The following STN1 variants were observed in gnomAD, a reference collection of about 807,000 sequenced individuals.
The protein encoded by STN1 is CST complex subunit STN1.
STN1 carries 29 observed loss-of-function variants against 45.5 expected under a neutral mutation model. That is an observed-to-expected ratio of 0.64 (90% CI 0.47 to 0.87). The LOEUF (loss-of-function observed/expected upper bound fraction) is 0.87, where lower values mean the gene tolerates loss of function less well. STN1 is among the 40% of genes least tolerant of loss of function. The pLI is 0.00. For missense variants in STN1, 376 were observed against 441.4 expected, an observed-to-expected ratio of 0.85 and a Z score of 1.33; for synonymous variants, 148 against 159.0, an observed-to-expected ratio of 0.93 and a Z score of 0.52.
chr10:103,905,806 G>A (rs996947774), intron 3 of STN1, among the ~76,000 whole-genome samples: 11 of 152,158 alleles, frequency 7.2e-5, no homozygotes, highest in African/African-American at 2.7e-4. Context: ...CACAAAAACA[G>A]TACTAGTCTG....
intron 3 of STN1, among the ~76,000 whole-genome samples, chr10:103,906,326 C>T (rs1843240590): frequency 6.6e-6 from 1 of 152,080 alleles, no homozygotes; most frequent in Admixed American, 6.6e-5. Flanking sequence ...TACTGGATAG[C>T]AATATTCCAA....
Position 103,878,693 on chromosome 10 carries a change from T to C in STN1, c.*3991A>G, listed in dbSNP as rs1482995761. 6.6e-6 allele frequency: 1 copy of C among 152,248 alleles called. No individual in the cohort carries two copies. Among genetic ancestry groups the C allele is most frequent in the Non-Finnish European group, 1.5e-5 (1 of 68,040 alleles). 9.4% of individuals were successfully genotyped at this position (152,248 alleles called of 1,614,324 possible). Reference sequence around the variant, plus strand: ...GATCTCACCATGCAGAGGTAACATGTGCATCCCTTTGGTGAGAATTTCTAG... The same window carrying C: ...GATCTCACCATGCAGAGGTAACATGCGCATCCCTTTGGTGAGAATTTCTAG... On this transcript the variant is annotated 3_prime_UTR_variant, in exon 10 of 10. Transcript: ENST00000224950.
At chr10:103,889,230 A>G in intron 8 of STN1, 86 bp from the exon 9 acceptor site, 1 of 838,564 alleles carries the variant, frequency 1.2e-6, no homozygotes, top group East Asian at 2.5e-5. Flanking sequence ...AGTATTCAGG[A>G]TAGTTTCTAA....
At chr10:103,915,819 G>C (rs1843327120) in intron 2 of STN1, among the ~76,000 whole-genome samples, 1 of 152,026 alleles carries the variant, frequency 6.6e-6, no homozygotes, top group Non-Finnish European at 1.5e-5. Context: ...ATGGGGGTTG[G>C]GGGAACGGTT....
intron 4 of STN1, among the ~76,000 whole-genome samples, chr10:103,903,555 T>C (rs1448114446): frequency 6.6e-6 from 1 of 152,166 alleles, no homozygotes; most frequent in Non-Finnish European, 1.5e-5. Flanking sequence ...TTTGCAGAAG[T>C]GGTTCTCATT....
At chr10:103,885,660 G>A (rs1843098671) in intron 9 of STN1, among the ~76,000 whole-genome samples, 1 of 152,144 alleles carries the variant, frequency 6.6e-6, no homozygotes, top group Admixed American at 6.5e-5. Context: ...CAAGCATTGG[G>A]ATTATGGGAG....
chr10:103,909,025 A>G (rs188432831), intron 3 of STN1, among the ~76,000 whole-genome samples: 10 of 152,240 alleles, frequency 6.6e-5, no homozygotes, highest in Admixed American at 4.6e-4. Context: ...TGGAATCTTG[A>G]GTAAGTTACT....
intron 3 of STN1, among the ~76,000 whole-genome samples, chr10:103,909,354 CAAAAA>C (rs1182343917): frequency 1.0e-3 from 62 of 61,276 alleles, no homozygotes; most frequent in African/African-American, 3.8e-3. Flanking sequence ...TTTTCAGAAT[CAAAAA>C]AAAAAAATAT....
Position 103,898,909 on chromosome 10 carries a change from G to A in STN1, c.549C>T (p.His183=), listed in dbSNP as rs200135074. 16 of 1,614,012 alleles carry A rather than the reference G, an allele frequency of 9.9e-6. No homozygotes were observed. The highest frequency in any genetic ancestry group is 1.4e-5 in the Non-Finnish European group (16 of 1,179,970). Residue 183 remains histidine, a synonymous_variant, in exon 6 of 10, where the codon CAC becomes CAT. Transcript: ENST00000224950. ...CCTCTTCTTTCTCTAGGGCTGAGCT[G>A]TGAAAAGGCTGGTCATAAACTTTCC... The part of the protein sequence containing the change: ...IYRKVYDQPF[H]SSALEKEEAL...
At chr10:103,904,952 G>T in intron 4 of STN1, 139 bp downstream of exon 4, 1 of 765,414 alleles carries the variant, frequency 1.3e-6, no homozygotes, top group Non-Finnish European at 2.2e-6. Flanking sequence ...AAAGCTCTGG[G>T]TATAGTGCTT....
Position 103,896,686 on chromosome 10 carries a change from A to T in STN1, c.753+862T>A, listed in dbSNP as rs576914748. ...ACAGTCAGGGGTCAGGGTCACCCAG[A>T]GTGAGACCCTGTCTAATTTTTGTAT... On this transcript the variant is annotated intron_variant, in intron 7 of 9. Transcript: ENST00000224950. 6.6e-5 allele frequency among the ~76,000 whole-genome samples: 10 copies of T among 151,786 alleles called. No individual in the cohort carries two copies. In the South Asian group the frequency reaches 2.1e-3, roughly 32 times the overall value.
intron 9 of STN1, among the ~76,000 whole-genome samples, chr10:103,884,119 C>T (rs1156678713): frequency 7.5e-6 from 1 of 134,010 alleles, no homozygotes; most frequent in African/African-American, 2.8e-5. Context: ...AAAAAAAAAT[C>T]CACTTATCAC....
intron 9 of STN1, among the ~76,000 whole-genome samples, chr10:103,886,923 G>A (rs1843107223): frequency 1.3e-5 from 2 of 152,210 alleles, no homozygotes; most frequent in African/African-American, 4.8e-5. Flanking sequence ...TCACAATGCC[G>A]CCACATTGCC....
In STN1 at chr10:103,880,050, C is replaced by T. The variant is rs11191842; in HGVS notation, c.*2634G>A. On this transcript the variant is annotated 3_prime_UTR_variant, in exon 10 of 10. Coordinates refer to ENST00000224950, the MANE Select transcript of STN1 (RefSeq NM_024928.5). ...GCTGCAGGAGACGGCCCGCCCACTTCACCCGCCTGGGCCAAGTATGGCTTC... is the reference window on the plus strand; with the variant it reads ...GCTGCAGGAGACGGCCCGCCCACTTTACCCGCCTGGGCCAAGTATGGCTTC... 0.22 allele frequency among the ~76,000 whole-genome samples: 33,024 copies of T among 152,198 alleles called. 3,699 individuals carry two copies. Among genetic ancestry groups the T allele is most frequent in the Admixed American group, 0.23 (3,499 of 15,294 alleles).
chr10:103,881,936 A>G lies in STN1; in HGVS notation c.*748T>C, dbSNP rs1365429584. Among the ~76,000 whole-genome samples, 2 of 152,218 alleles carry G rather than the reference A, an allele frequency of 1.3e-5. No homozygotes were observed. Among genetic ancestry groups the G allele is most frequent in the Admixed American group, 1.3e-4 (2 of 15,288 alleles). On this transcript the variant is annotated 3_prime_UTR_variant, in exon 10 of 10. Transcript: ENST00000224950. ...AATAACATCTACCACCTGCCAGGCA[A>G]TTGGCTGACTGCCTCCGTGATCTTC...
intron 3 of STN1, among the ~76,000 whole-genome samples, chr10:103,909,482 ATATATGTGTGTGTG>A (rs1282978120): frequency 2.5e-4 from 27 of 109,492 alleles, no homozygotes; most frequent in Non-Finnish European, 3.4e-4. Flanking sequence ...ATATATGTAT[ATATATGTGTGTGTG>A]TATATGTATA....
rs1230189259 is a variant in STN1, at chr10:103,879,590, G to C, written c.*3094C>G. The C allele has an allele frequency of 2.0e-5, 3 of 152,460 alleles. No individual in the cohort carries two copies. The highest frequency in any genetic ancestry group is 4.4e-5 in the Non-Finnish European group (3 of 68,230). The allele number at this position is 152,460 out of a possible 1,614,324, so 9.4% of individuals were successfully genotyped here. On this transcript the variant is annotated 3_prime_UTR_variant, in exon 10 of 10. Transcript: ENST00000224950. The stretch of plus-strand genomic sequence containing the variant: ...GCATGTGTGCAAGGCCCGTGCGGCT[G>C]GGCTGGGAGGGCAGGGTAAGCGGGG...
At chr10:103,904,975 T>C (rs1181267399) in intron 4 of STN1, 116 bp downstream of exon 4, 3 of 891,360 alleles carry the variant, frequency 3.4e-6, no homozygotes. Context: ...GGTAGATCAA[T>C]GTAACTCACC....
chr10:103,905,966 G>A (rs1301099169), intron 3 of STN1, among the ~76,000 whole-genome samples: 1 of 152,124 alleles, frequency 6.6e-6, no homozygotes, highest in Non-Finnish European at 1.5e-5. Flanking sequence ...ACTCAGAACA[G>A]AGGTTGCTAA....
Sources: allele counts gnomAD v4.1 joint callset (sites outside exome capture counted in the v4.1 genomes callset), GRCh38; gene constraint gnomAD v4.1.1; transcripts MANE v1.5; gene names NCBI Gene and HGNC (gene_info 2026-07-23, HGNC 2026-07-21).